The following TNS1 variants were observed in gnomAD, a reference collection of about 807,000 sequenced individuals.
TNS1 encodes tensin-1.
A neutral mutation model predicts 168.6 loss-of-function variants in TNS1; 62 were observed. That is an observed-to-expected ratio of 0.37 (90% CI 0.30 to 0.45). TNS1 has a LOEUF of 0.45. Among genes scored for constraint, TNS1 ranks in the 20% least tolerant of loss-of-function variants. The pLI is 1.00. For synonymous variants in TNS1, 934 were observed against 933.2 expected (o/e 1.00, Z -0.02); for missense variants, 2,240 against 2,339.4 (o/e 0.96, Z 0.88).
intron 18 of TNS1, among the ~76,000 whole-genome samples, chr2:217,874,382 G>T (rs1235935921): frequency 1.3e-5 from 2 of 152,210 alleles, no homozygotes; most frequent in Non-Finnish European, 2.9e-5. Context: ...AGTACACAGT[G>T]CTCTCATCTC....
intron 1 of TNS1, among the ~76,000 whole-genome samples, chr2:218,017,029 A>T (rs1958768220): frequency 6.6e-6 from 1 of 152,154 alleles, no homozygotes; most frequent in South Asian, 2.1e-4. Context: ...ACAGCCTCAC[A>T]TTGAGGCTCC....
At chr2:217,806,845 T>C (rs1426363846) in intron 32 of TNS1, among the ~76,000 whole-genome samples, 1 of 152,234 alleles carries the variant, frequency 6.6e-6, no homozygotes, top group Non-Finnish European at 1.5e-5. Flanking sequence ...CACCTCCCCA[T>C]GTGTCAGACA....
At chr2:217,975,013 G>A (rs1180047208) in intron 3 of TNS1, among the ~76,000 whole-genome samples, 2 of 152,218 alleles carry the variant, frequency 1.3e-5, no homozygotes. Context: ...TCCAAGGATA[G>A]TGTATAAAAG....
intron 6 of TNS1, among the ~76,000 whole-genome samples, chr2:217,905,104 AG>A (rs1269667275): frequency 6.6e-6 from 1 of 152,236 alleles, no homozygotes; most frequent in Non-Finnish European, 1.5e-5. Flanking sequence ...TCAAAATAAC[AG>A]TAATAAGAAT....
rs576214834 is a variant in TNS1, at chr2:217,800,912, G to C, written c.*3547C>G. On this transcript the variant is annotated 3_prime_UTR_variant, in exon 33 of 33. Transcript: ENST00000682258. ...CCCTGCACAGGCTCATCAGAACAAGGCAGAATCTCCTACTCACTAACCTCC... is the reference window on the plus strand; with the variant it reads ...CCCTGCACAGGCTCATCAGAACAAGCCAGAATCTCCTACTCACTAACCTCC... 6.6e-6 allele frequency: 1 copy of C among 152,206 alleles called. No individual in the cohort carries two copies. Among genetic ancestry groups the C allele is most frequent in the Non-Finnish European group, 1.5e-5 (1 of 68,082 alleles). The allele number at this position is 152,206 out of a possible 1,614,324, so 9.4% of individuals were successfully genotyped here.
In TNS1 at chr2:217,946,161, C is replaced by T. The variant is rs145329391; in HGVS notation, c.187-25925G>A. 2.7e-3 allele frequency among the ~76,000 whole-genome samples: 418 copies of T among 152,284 alleles called. 4 individuals carry two copies. The highest frequency in any genetic ancestry group is 9.5e-3 in the African/African-American group (394 of 41,538). On this transcript the variant is annotated intron_variant, in intron 3 of 32. Transcript: ENST00000682258. ...TCAGGCCTTTCTCGTACACCATTCC[C>T]TCTCCTCCCTATCAGCATTCAGGGC...
At chr2:217,909,201 G>C (rs778427421) in intron 4 of TNS1, among the ~76,000 whole-genome samples, 4 of 151,878 alleles carry the variant, frequency 2.6e-5, no homozygotes, top group Non-Finnish European at 5.9e-5. Flanking sequence ...GGAGACCTGA[G>C]GTTGGGCAGA....
exon 1 of TNS1, chr2:218,010,279 G>C: frequency 2.5e-6 from 1 of 398,148 alleles, no homozygotes; most frequent in East Asian, 3.6e-5. Flanking sequence ...CGGGGTTGGG[G>C]CGGGGTAGGA....
At chr2:217,921,055 G>A (rs1955660022) in intron 3 of TNS1, among the ~76,000 whole-genome samples, 1 of 151,858 alleles carries the variant, frequency 6.6e-6, no homozygotes, top group Admixed American at 6.6e-5. Context: ...AGGGGAGGGA[G>A]GGAAGGCTCC....
At chr2:217,855,089 A>G (rs1331999529) in intron 18 of TNS1, among the ~76,000 whole-genome samples, 2 of 151,996 alleles carry the variant, frequency 1.3e-5, no homozygotes, top group African/African-American at 2.4e-5. Context: ...TCCTCTCTCC[A>G]TCCCCTGCTT....
intron 8 of TNS1, among the ~76,000 whole-genome samples, chr2:217,896,111 C>T (rs1359926786): frequency 6.6e-6 from 1 of 152,224 alleles, no homozygotes; most frequent in Non-Finnish European, 1.5e-5. Flanking sequence ...AGACCTCAGA[C>T]CCACTTTACG....
intron 1 of TNS1, among the ~76,000 whole-genome samples, chr2:217,999,250 G>A: frequency 6.6e-6 from 1 of 152,204 alleles, no homozygotes; most frequent in Non-Finnish European, 1.5e-5. Context: ...CTGACTTGCT[G>A]GGTAGCCTTG....
At chr2:217,851,440 T>TAC (rs3838563) in intron 18 of TNS1, among the ~76,000 whole-genome samples, 41,719 of 139,486 alleles carry the variant, frequency 0.3, 5,759 homozygotes, top group South Asian at 0.38. Flanking sequence ...TGCATCCCTC[T>TAC]ACACACACAC....
upstream of TNS1, among the ~76,000 whole-genome samples, chr2:218,013,023 A>T (rs2106002518): frequency 6.6e-6 from 1 of 152,076 alleles, no homozygotes; most frequent in African/African-American, 2.4e-5. Flanking sequence ...TGAGGCAGGC[A>T]GATCACTTGA....
At chr2:217,996,659 G>A (rs963500839) in intron 1 of TNS1, among the ~76,000 whole-genome samples, 6 of 151,534 alleles carry the variant, frequency 4.0e-5, no homozygotes, top group South Asian at 4.2e-4. Context: ...AACATTCATC[G>A]TCCTATGCTT....
At chr2:217,830,311 G>T in intron 22 of TNS1, 3 of 1,610,126 alleles carry the variant, frequency 1.9e-6, no homozygotes, top group Non-Finnish European at 2.5e-6. Flanking sequence ...TGAGTGGGAG[G>T]CTATGCCCAG....
chr2:217,810,879 A>ATTT lies in TNS1; in HGVS notation c.5033-563_5033-561dup, dbSNP rs5838670. 4.9e-3 allele frequency among the ~76,000 whole-genome samples: 716 copies of ATTT among 144,662 alleles called. 4 individuals are homozygous for ATTT. Among genetic ancestry groups the ATTT allele is most frequent in the African/African-American group, 9.1e-3 (355 of 39,140 alleles). 94.9% of individuals were successfully genotyped at this position (144,662 alleles called of 152,430 possible). On this transcript the variant is annotated intron_variant, in intron 28 of 32. Coordinates refer to ENST00000682258, the MANE Select transcript of TNS1 (RefSeq NM_001387777.1). Reference sequence around the variant, plus strand: ...AACATCACATTGTACATGGTACATAATTTTTTTTTTTTTTTTGAAACAGAA... The same window carrying ATTT: ...AACATCACATTGTACATGGTACATAATTTTTTTTTTTTTTTTTTTGAAACAGAA...
chr2:217,802,954 T>C lies in TNS1; in HGVS notation c.*1505A>G, dbSNP rs940507367. 1 of 152,638 alleles carries C rather than the reference T, an allele frequency of 6.6e-6. No individual in the cohort carries two copies. Among genetic ancestry groups the C allele is most frequent in the Non-Finnish European group, 1.5e-5 (1 of 68,038 alleles). The allele number at this position is 152,638 out of a possible 1,614,324, so 9.5% of individuals were successfully genotyped here. A position where few individuals can be genotyped will look rare whatever the true frequency, so the allele number is the denominator to read the frequency against. On this transcript the variant is annotated 3_prime_UTR_variant, in exon 33 of 33. Transcript: ENST00000682258. ...ATTCTGGCTTAGAGTCCTTAAATGG[T>C]GGTCAGGTGTTTTCCCAACTGTCCA...
rs184678955 is a variant in TNS1, at chr2:217,964,449, C to T, written c.186+14316G>A. Among the ~76,000 whole-genome samples, 38 of 152,328 alleles carry T rather than the reference C, an allele frequency of 2.5e-4. No individual in the cohort carries two copies. In the South Asian group the frequency reaches 5.4e-3, roughly 22 times the overall value. ...CTCCCTAAGCCTGGGCTCAAGTCCC[C>T]GGTCCTGGTTCCACCACCTTACCGG... is the stretch of plus-strand genomic sequence containing the variant. On this transcript the variant is annotated intron_variant, in intron 3 of 32. Coordinates refer to ENST00000682258, the MANE Select transcript of TNS1 (RefSeq NM_001387777.1).
Sources: gnomAD v4.1 joint callset for allele counts (sites outside exome capture counted in the v4.1 genomes callset) on GRCh38, gnomAD v4.1.1 for gene constraint, MANE v1.5 for transcripts, NCBI Gene and HGNC (gene_info 2026-07-23, HGNC 2026-07-21) for gene names.